The following KCNMB2 variants were observed in gnomAD, a reference collection of about 807,000 sequenced individuals.
The protein encoded by KCNMB2 is calcium-activated potassium channel subunit beta-2.
KCNMB2 carries 9 observed loss-of-function variants against 24.5 expected under a neutral mutation model. The observed-to-expected ratio is 0.37, with a 90% CI of 0.22 to 0.64. The LOEUF (loss-of-function observed/expected upper bound fraction) is 0.64, where lower values mean the gene tolerates loss of function less well. Among genes scored for constraint, KCNMB2 ranks in the 30% least tolerant of loss-of-function variants. KCNMB2 has a pLI of 0.63. For missense variants in KCNMB2, 226 were observed against 284.3 expected, an observed-to-expected ratio of 0.79 and a Z score of 1.47; for synonymous variants, 109 against 104.4, an observed-to-expected ratio of 1.04 and a Z score of -0.27.
chr3:178,787,634 T>C (rs71310305), intron 1 of KCNMB2, among the ~76,000 whole-genome samples: 16,796 of 152,152 alleles, frequency 0.11, 1,023 homozygotes, highest in Non-Finnish European at 0.13. Flanking sequence ...CTTTTTCTCA[T>C]CCTGCCACAC....
chr3:178,750,407 A>AAACAAT (rs894543510), intron 1 of KCNMB2, among the ~76,000 whole-genome samples: 1 of 152,164 alleles, frequency 6.6e-6, no homozygotes, highest in Admixed American at 6.5e-5. Context: ...ACAAAAACAA[A>AAACAAT]ACAAAAAAAC....
chr3:178,596,102 T>C (rs989548912), intron 1 of KCNMB2, among the ~76,000 whole-genome samples: 37 of 152,096 alleles, frequency 2.4e-4, no homozygotes, highest in African/African-American at 8.9e-4. Context: ...TGATTTGAGA[T>C]GTGTTCCCAT....
intron 1 of KCNMB2, among the ~76,000 whole-genome samples, chr3:178,576,686 A>C (rs1429456668): frequency 6.6e-6 from 1 of 152,212 alleles, no homozygotes; most frequent in Non-Finnish European, 1.5e-5. Flanking sequence ...CCAAGGCTTG[A>C]GTAGGCAATT....
At chr3:178,788,918 C>A (rs1392309014) in intron 1 of KCNMB2, among the ~76,000 whole-genome samples, 1 of 152,222 alleles carries the variant, frequency 6.6e-6, no homozygotes, top group East Asian at 1.9e-4. Flanking sequence ...CAACACCCAA[C>A]TCGGTGCCTG....
chr3:178,786,254 A>T (rs1037270687), intron 1 of KCNMB2, among the ~76,000 whole-genome samples: 9 of 152,154 alleles, frequency 5.9e-5, no homozygotes, highest in African/African-American at 2.2e-4. Flanking sequence ...TCACCCAATA[A>T]CCACCACAAT....
chr3:178,592,182 A>G (rs1490138556), intron 1 of KCNMB2, among the ~76,000 whole-genome samples: 1 of 152,128 alleles, frequency 6.6e-6, no homozygotes, highest in Non-Finnish European at 1.5e-5. Flanking sequence ...GATTATCTTA[A>G]TCACACTAGC....
intron 1 of KCNMB2, among the ~76,000 whole-genome samples, chr3:178,690,507 G>A (rs1217868892): frequency 6.6e-6 from 1 of 152,178 alleles, no homozygotes; most frequent in Non-Finnish European, 1.5e-5. Flanking sequence ...AGAGGGATAA[G>A]AGGAAGAGGA....
intron 1 of KCNMB2, among the ~76,000 whole-genome samples, chr3:178,679,258 T>C (rs1721186311): frequency 6.6e-6 from 1 of 152,036 alleles, no homozygotes; most frequent in Admixed American, 6.6e-5. Flanking sequence ...AGAGATAGGC[T>C]CTTGGTCTGT....
chr3:178,785,656 T>C (rs145381360), intron 1 of KCNMB2, among the ~76,000 whole-genome samples: 1,841 of 152,216 alleles, frequency 0.012, 21 homozygotes, highest in Non-Finnish European at 0.019. Flanking sequence ...GCTACAATTC[T>C]GTTTCTTGAC....
intron 2 of KCNMB2, among the ~76,000 whole-genome samples, chr3:178,816,939 A>C (rs965614057): frequency 2.0e-5 from 3 of 152,132 alleles, no homozygotes; most frequent in Non-Finnish European, 2.9e-5. Context: ...TCTTGGATTA[A>C]AGCTTTTCAT....
chr3:178,675,202 C>T (rs1345748358), intron 1 of KCNMB2, among the ~76,000 whole-genome samples: 2 of 152,152 alleles, frequency 1.3e-5, no homozygotes, highest in Non-Finnish European at 2.9e-5. Flanking sequence ...TCCTATTATA[C>T]AAGCTATTCA....
intron 1 of KCNMB2, among the ~76,000 whole-genome samples, chr3:178,537,881 C>T (rs913679125): frequency 6.6e-6 from 1 of 152,082 alleles, no homozygotes; most frequent in Non-Finnish European, 1.5e-5. Context: ...TTGGTTATAA[C>T]GAATGGCAGA....
intron 1 of KCNMB2, among the ~76,000 whole-genome samples, chr3:178,686,737 C>G (rs1387000200): frequency 6.6e-6 from 1 of 152,072 alleles, no homozygotes; most frequent in African/African-American, 2.4e-5. Flanking sequence ...ACTTCATTTA[C>G]AATTTAAAAA....
chr3:178,609,070 G>T (rs1718383018), intron 1 of KCNMB2, among the ~76,000 whole-genome samples: 1 of 152,086 alleles, frequency 6.6e-6, no homozygotes, highest in African/African-American at 2.4e-5. Context: ...CCTCCAAATT[G>T]TTCCCCATAC....
intron 1 of KCNMB2, among the ~76,000 whole-genome samples, chr3:178,733,426 A>G (rs762625466): frequency 9.9e-5 from 15 of 152,162 alleles, no homozygotes; most frequent in Non-Finnish European, 1.8e-4. Context: ...TAGGCAGCCA[A>G]TGGAAAGTTT....
intron 1 of KCNMB2, among the ~76,000 whole-genome samples, chr3:178,778,996 G>C (rs900006819): frequency 2.6e-5 from 4 of 152,198 alleles, no homozygotes; most frequent in African/African-American, 9.6e-5. Flanking sequence ...TGTGAAATGT[G>C]AGGGGAAAGG....
At chr3:178,565,488 G>A (rs1716485584) in intron 1 of KCNMB2, among the ~76,000 whole-genome samples, 1 of 152,196 alleles carries the variant, frequency 6.6e-6, no homozygotes, top group Admixed American at 6.5e-5. Flanking sequence ...ATTAAAGCAT[G>A]GATGAAGGCC....
At chr3:178,768,458 T>G (rs1712213433) in intron 1 of KCNMB2, among the ~76,000 whole-genome samples, 1 of 152,098 alleles carries the variant, frequency 6.6e-6, no homozygotes. Context: ...AAATAAAAAT[T>G]TATCATGTAC....
chr3:178,771,730 T>C (rs1712375537), intron 1 of KCNMB2, among the ~76,000 whole-genome samples: 1 of 152,092 alleles, frequency 6.6e-6, no homozygotes, highest in Admixed American at 6.6e-5. Flanking sequence ...AGTAAGCACA[T>C]TATCACCTCA....
Sources: allele counts gnomAD v4.1 joint callset (sites outside exome capture counted in the v4.1 genomes callset), GRCh38; gene constraint gnomAD v4.1.1; transcripts MANE v1.5; gene names NCBI Gene and HGNC (gene_info 2026-07-23, HGNC 2026-07-21).